Variants in HACL1 observed in about 807,000 individuals in gnomAD.
HACL1 encodes the protein 2-hydroxyacyl-CoA lyase 1.
In HACL1, 64 loss-of-function variants were observed where a neutral mutation model predicts 74.2. The observed-to-expected ratio is 0.86, with a 90% CI of 0.70 to 1.06. HACL1 has a LOEUF of 1.06. Among genes scored for constraint, HACL1 ranks in the 50% least tolerant of loss-of-function variants. The probability of loss-of-function intolerance (pLI) is 0.00; values close to 1 mark genes in which losing one functional copy is unlikely to be tolerated. For synonymous variants in HACL1, 230 were observed against 238.8 expected, an observed-to-expected ratio of 0.96 and a Z score of 0.34; for missense variants, 728 against 719.7, an observed-to-expected ratio of 1.01 and a Z score of -0.13.
chr3:15,601,404 G>C lies in HACL1; in HGVS notation c.60C>G (p.Ile20Met). 1 of 1,614,070 alleles carries C rather than the reference G, an allele frequency of 6.2e-7. No homozygotes were observed. Among genetic ancestry groups the C allele is most frequent in the East Asian group, 2.2e-5 (1 of 44,886 alleles). ...GTACTTGCGTTTTCAGGGCCTGAGC[G>C]ATGACTTTAGCACCAGACACCTGCT... ...SEEQVSGAKV[I>M]AQALKTQDVE... The change falls in exon 1 of 17, where the codon ATC becomes ATG. Residue 20 changes from isoleucine to methionine, a missense_variant. By Grantham distance (10) the Ile-to-Met change is conservative. Transcript: ENST00000321169.
chr3:15,601,288 G>C (rs2064225680), intron 1 of HACL1, 94 bp from the exon 2 acceptor site: 4 of 1,573,298 alleles, frequency 2.5e-6, no homozygotes, highest in Non-Finnish European at 3.5e-6. Context: ...AAAACCCCCC[G>C]ACCCCCATCG....
rs193274124 is a variant in HACL1 at position 15,561,411 on chromosome 3, G to C, written c.1705-514C>G. ...CAGAAAGACAAAAATCAACAGTTTG[G>C]AAAGTATAATGTATGTAAATTCCAC... is the stretch of plus-strand genomic sequence containing the variant. On this transcript the variant is annotated intron_variant, in intron 16 of 16. Coordinates refer to ENST00000321169, the MANE Select transcript of HACL1 (RefSeq NM_012260.4). Among the ~76,000 whole-genome samples the C allele has an allele frequency of 2.2e-3, 328 of 152,276 alleles. 1 individual carries two copies. Among genetic ancestry groups the C allele is most frequent in the Middle Eastern group, 3.4e-3 (1 of 294 alleles).
At position 15,568,042 on chromosome 3, in the gene HACL1, T is replaced by A; in HGVS notation, c.1251-40A>T. The A allele has an allele frequency of 1.9e-6, 3 of 1,586,466 alleles. No homozygotes were observed. In the South Asian group the frequency reaches 3.3e-5, roughly 18 times the overall value. On this transcript the variant is annotated intron_variant, in intron 13 of 16. Transcript: ENST00000321169. Reference sequence around the variant, plus strand: ...AGTTAAAATGAAACCCTCTGGGGCATGTCATAGAGGATGGGATTGGCACAA... The same window carrying A: ...AGTTAAAATGAAACCCTCTGGGGCAAGTCATAGAGGATGGGATTGGCACAA...
chr3:15,565,171 A>G (rs1008239445), intron 14 of HACL1, among the ~76,000 whole-genome samples: 20 of 152,152 alleles, frequency 1.3e-4, no homozygotes, highest in African/African-American at 4.6e-4. Flanking sequence ...TCTCAGAAAA[A>G]AAAAAAAAAA....
In HACL1 at chr3:15,601,502, A is replaced by C; in HGVS notation, c.-39T>G. 1 of 1,610,166 alleles carries C rather than the reference A, an allele frequency of 6.2e-7. No individual in the cohort carries two copies. Among genetic ancestry groups the C allele is most frequent in the Non-Finnish European group, 8.5e-7 (1 of 1,180,010 alleles). Reference sequence around the variant, plus strand: ...GCTCTAAGCACTCACGCAGCCGGCAAACAAGCGGAATCATCCAGCAAGGCA... The same window carrying C: ...GCTCTAAGCACTCACGCAGCCGGCACACAAGCGGAATCATCCAGCAAGGCA... On this transcript the variant is annotated 5_prime_UTR_variant, in exon 1 of 17. Transcript: ENST00000321169.
chr3:15,581,298 AT>A (rs1442975837), intron 8 of HACL1, among the ~76,000 whole-genome samples: 1 of 152,132 alleles, frequency 6.6e-6, no homozygotes, highest in Non-Finnish European at 1.5e-5. Flanking sequence ...CAAATGTTCC[AT>A]TTCTAATGTC....
rs979236789 is a variant in HACL1 at position 15,573,206 on chromosome 3, T to A, written c.946A>T (p.Lys316Ter). 2 of 1,610,360 alleles carry A rather than the reference T, an allele frequency of 1.2e-6. No individual in the cohort carries two copies. Among genetic ancestry groups the A allele is most frequent in the African/African-American group, 2.7e-5 (2 of 74,856 alleles). ...TTTCCTAGCAAAGTAACAGCGGGCT[T>A]TACATTATTCCCCAATTCTTCTGCA... is the stretch of plus-strand genomic sequence containing the variant. The part of the protein sequence containing the change: ...ICAEELGNNV[K>*]PAVTLLGNIH... Residue 316 changes from lysine to a stop codon, truncating the protein, a stop_gained, in exon 11 of 17, where the codon AAG becomes TAG. Transcript: ENST00000321169. LOFTEE classifies it high-confidence loss of function.
chr3:15,601,507 G>A lies in HACL1; in HGVS notation c.-44C>T. On this transcript the variant is annotated 5_prime_UTR_variant, in exon 1 of 17. Transcript: ENST00000321169. ...AAGCACTCACGCAGCCGGCAAACAA[G>A]CGGAATCATCCAGCAAGGCAAACGC... 1.9e-6 allele frequency: 3 copies of A among 1,609,800 alleles called. No individual in the cohort carries two copies. The highest frequency in any genetic ancestry group is 1.3e-5 in the African/African-American group (1 of 75,052).
At chr3:15,590,742 A>G (rs2063876451) in intron 4 of HACL1, among the ~76,000 whole-genome samples, 1 of 152,254 alleles carries the variant, frequency 6.6e-6, no homozygotes, top group Non-Finnish European at 1.5e-5. Context: ...AACTACACAT[A>G]CGTTCACACA....
At chr3:15,589,975 C>T (rs1001283798) in intron 4 of HACL1, among the ~76,000 whole-genome samples, 1 of 151,974 alleles carries the variant, frequency 6.6e-6, no homozygotes, top group Non-Finnish European at 1.5e-5. Context: ...GCAGAGGTTA[C>T]AGTGAGCCGA....
At chr3:15,591,073 C>T (rs1239335012) in intron 4 of HACL1, among the ~76,000 whole-genome samples, 7 of 151,986 alleles carry the variant, frequency 4.6e-5, no homozygotes, top group South Asian at 2.1e-4. Context: ...AGAGAGACTC[C>T]GTCTCAAAAA....
At chr3:15,594,074 C>G (rs2125288569) in intron 3 of HACL1, among the ~76,000 whole-genome samples, 1 of 152,294 alleles carries the variant, frequency 6.6e-6, no homozygotes, top group East Asian at 1.9e-4. Context: ...GCTGGGATTA[C>G]AGGCATGAGC....
chr3:15,583,917 A>G (rs1455906074), intron 7 of HACL1, among the ~76,000 whole-genome samples: 1 of 152,052 alleles, frequency 6.6e-6, no homozygotes, highest in African/African-American at 2.4e-5. Flanking sequence ...TCGGCCTCCC[A>G]AAGTGCTGAG....
Position 15,601,144 on chromosome 3 carries a change from G to T in HACL1, c.132C>A (p.Ala44=). 6.2e-7 allele frequency: 1 copy of T among 1,613,990 alleles called. No individual in the cohort carries two copies. Among genetic ancestry groups the T allele is most frequent in the Non-Finnish European group, 8.5e-7 (1 of 1,179,868 alleles). The change falls in exon 2 of 17, where the codon GCC becomes GCA. Residue 44 remains alanine, a synonymous_variant. Transcript: ENST00000321169. ...GIVGIPVTEI[A]IAAQQLGIKY... is the part of the protein sequence containing the mutation. ...TGATGCCTAGCTGCTGGGCAGCAAT[G>T]GCGATTTCGGTCACTGGGATGCCTA...
chr3:15,591,907 T>C (rs962257369), intron 3 of HACL1, among the ~76,000 whole-genome samples: 2 of 150,612 alleles, frequency 1.3e-5, no homozygotes, highest in African/African-American at 2.4e-5. Flanking sequence ...ATACACTATA[T>C]ATGTATATAG....
chr3:15,593,916 G>A (rs1372066106), intron 3 of HACL1, among the ~76,000 whole-genome samples: 3 of 150,526 alleles, frequency 2.0e-5, no homozygotes, highest in African/African-American at 4.9e-5. Context: ...TCCTGCCTCA[G>A]CCTCCCAAGT....
At chr3:15,585,487 G>C (rs1201691025) in intron 6 of HACL1, 145 bp from the exon 7 acceptor site, 1 of 577,732 alleles carries the variant, frequency 1.7e-6, no homozygotes, top group East Asian at 3.0e-5. Flanking sequence ...GATGAAAATC[G>C]AAATGTCCTC....
At position 15,578,438 on chromosome 3, in the gene HACL1, G is replaced by T. The variant is rs144186093; in HGVS notation, c.803+1472C>A. Among the ~76,000 whole-genome samples, 4 of 152,310 alleles carry T rather than the reference G, an allele frequency of 2.6e-5. No individual in the cohort carries two copies. The East Asian group carries it at 7.7e-4, about 29-fold the overall frequency. On this transcript the variant is annotated intron_variant, in intron 9 of 16. Coordinates refer to ENST00000321169, the MANE Select transcript of HACL1 (RefSeq NM_012260.4). ...CCAGCCAAGATTGGCTAAGTTTGAA[G>T]AAGCAACCCACACAGAGGGTAAGTT...
chr3:15,587,855 G>A (rs957726127), intron 5 of HACL1, among the ~76,000 whole-genome samples: 12 of 152,116 alleles, frequency 7.9e-5, no homozygotes, highest in Admixed American at 3.3e-4. Context: ...TCTCAGTAAT[G>A]ATTTCTGATT....
Sources: allele counts gnomAD v4.1 joint callset (sites outside exome capture counted in the v4.1 genomes callset), GRCh38; gene constraint gnomAD v4.1.1; transcripts MANE v1.5; gene names NCBI Gene and HGNC (gene_info 2026-07-23, HGNC 2026-07-21).